AGBL4: variants seen among roughly 807,000 people sequenced by gnomAD.
AGBL4 encodes cytosolic carboxypeptidase 6.
Under a neutral mutation model 66.4 loss-of-function variants are expected in AGBL4, and 58 were observed. The ratio of observed to expected loss-of-function variants is 0.87; its 90% CI spans 0.71 to 1.09. The LOEUF (loss-of-function observed/expected upper bound fraction) is 1.09, where lower values mean the gene tolerates loss of function less well. Among genes scored for constraint, AGBL4 ranks in the 50% least tolerant of loss-of-function variants. The pLI, the probability that AGBL4 is intolerant of heterozygous loss-of-function variation, is 0.00. For missense variants in AGBL4, 579 were observed against 631.0 expected, an observed-to-expected ratio of 0.92 and a Z score of 0.88; for synonymous variants, 234 against 222.9, an observed-to-expected ratio of 1.05 and a Z score of -0.44.
At chr1:48,901,412 A>G (rs1218585938) in intron 5 of AGBL4, among the ~76,000 whole-genome samples, 1 of 152,208 alleles carries the variant, frequency 6.6e-6, no homozygotes, top group Non-Finnish European at 1.5e-5. Context: ...AAAAAGTTGT[A>G]TATGGGTGTT....
chr1:49,352,849 G>C (rs1453141255), intron 3 of AGBL4, among the ~76,000 whole-genome samples: 2 of 152,188 alleles, frequency 1.3e-5, no homozygotes, highest in Non-Finnish European at 2.9e-5. Context: ...GCTAAGAAAA[G>C]TTAACAAAAT....
chr1:48,946,784 G>T (rs1656548320), intron 5 of AGBL4, among the ~76,000 whole-genome samples: 1 of 152,194 alleles, frequency 6.6e-6, no homozygotes, highest in African/African-American at 2.4e-5. Context: ...GTAGAGGGAA[G>T]CACAGAGCTG....
At chr1:48,682,180 T>G (rs1646465731) in intron 6 of AGBL4, among the ~76,000 whole-genome samples, 2 of 152,186 alleles carry the variant, frequency 1.3e-5, no homozygotes, top group African/African-American at 4.8e-5. Flanking sequence ...AATACCTTCA[T>G]CTCAGATTTC....
chr1:49,029,274 T>C (rs1571268428), intron 5 of AGBL4, among the ~76,000 whole-genome samples: 1 of 152,140 alleles, frequency 6.6e-6, no homozygotes, highest in East Asian at 1.9e-4. Context: ...AGTAAAAATA[T>C]ATCTACTTGC....
At chr1:49,553,324 T>C (rs1409867369) in intron 3 of AGBL4, among the ~76,000 whole-genome samples, 4 of 152,208 alleles carry the variant, frequency 2.6e-5, no homozygotes, top group Non-Finnish European at 4.4e-5. Context: ...TCATATCCTA[T>C]GTCATAGTGA....
At chr1:49,818,273 G>C (rs1056183781) in intron 2 of AGBL4, among the ~76,000 whole-genome samples, 1 of 152,026 alleles carries the variant, frequency 6.6e-6, no homozygotes, top group Non-Finnish European at 1.5e-5. Flanking sequence ...CTGAGTCTGA[G>C]TCTCTCCTTT....
At chr1:49,880,978 T>C (rs1161593647) in intron 1 of AGBL4, among the ~76,000 whole-genome samples, 1 of 152,138 alleles carries the variant, frequency 6.6e-6, no homozygotes, top group Non-Finnish European at 1.5e-5. Context: ...CCTGACCCCT[T>C]GTGCTTCCCA....
chr1:48,577,754 A>G (rs906686710), intron 11 of AGBL4, among the ~76,000 whole-genome samples: 5 of 152,108 alleles, frequency 3.3e-5, no homozygotes, highest in African/African-American at 7.2e-5. Context: ...AGGGATTGCA[A>G]ATCGGTCAAA....
chr1:48,724,968 G>A (rs1260761493), intron 6 of AGBL4, among the ~76,000 whole-genome samples: 3 of 152,152 alleles, frequency 2.0e-5, no homozygotes, highest in Admixed American at 6.5e-5. Flanking sequence ...AGAATCCAAA[G>A]ACTCTAAGTG....
intron 5 of AGBL4, among the ~76,000 whole-genome samples, chr1:48,895,721 A>G (rs1651440509): frequency 6.6e-6 from 1 of 152,182 alleles, no homozygotes; most frequent in African/African-American, 2.4e-5. Flanking sequence ...AGACCCTGAA[A>G]GAGACTCGAG....
intron 3 of AGBL4, among the ~76,000 whole-genome samples, chr1:49,417,389 G>C (rs766975606): frequency 1.3e-5 from 2 of 152,108 alleles, no homozygotes; most frequent in Non-Finnish European, 2.9e-5. Flanking sequence ...CTTTTGCTGT[G>C]CCAGAAATTT....
At chr1:48,855,671 C>A (rs1205107607) in intron 6 of AGBL4, among the ~76,000 whole-genome samples, 1 of 152,006 alleles carries the variant, frequency 6.6e-6, no homozygotes, top group Non-Finnish European at 1.5e-5. Flanking sequence ...AAGTAAAAAG[C>A]TTTTTGCACA....
At chr1:49,766,365 A>C (rs969482863) in intron 2 of AGBL4, among the ~76,000 whole-genome samples, 35 of 152,266 alleles carry the variant, frequency 2.3e-4, no homozygotes, top group African/African-American at 8.2e-4. Flanking sequence ...GAGAAATAAA[A>C]ATTTTTATAG....
In AGBL4 at chr1:49,311,981, C is replaced by T. The variant is rs143654737; in HGVS notation, c.283-66117G>A. Among the ~76,000 whole-genome samples, 979 of 151,878 alleles carry T rather than the reference C, an allele frequency of 6.4e-3. 6 individuals are homozygous for T. Among genetic ancestry groups the T allele is most frequent in the Middle Eastern group, 0.031 (9 of 294 alleles). ...CAATAGAAATGTATTGAAATAAGTC[C>T]CATATACAAGATTATGGATTTGAAA... On this transcript the variant is annotated intron_variant, in intron 3 of 13. Transcript: ENST00000371839.
chr1:48,847,593 C>T (rs932917754), intron 6 of AGBL4, among the ~76,000 whole-genome samples: 4 of 152,146 alleles, frequency 2.6e-5, no homozygotes, highest in Non-Finnish European at 4.4e-5. Context: ...TAGTACCTAG[C>T]AGAGTAAAGT....
chr1:49,726,816 G>A (rs1031918507), intron 2 of AGBL4, among the ~76,000 whole-genome samples: 2 of 152,100 alleles, frequency 1.3e-5, no homozygotes, highest in African/African-American at 4.8e-5. Flanking sequence ...CTCTCCCACT[G>A]TAGAAAAGCT....
At chr1:48,555,841 A>G (rs1644313716) in intron 11 of AGBL4, among the ~76,000 whole-genome samples, 1 of 152,114 alleles carries the variant, frequency 6.6e-6, no homozygotes, top group African/African-American at 2.4e-5. Flanking sequence ...AGTAAGAAAG[A>G]TGATACTTGG....
At chr1:48,908,069 A>G (rs753060099) in intron 5 of AGBL4, among the ~76,000 whole-genome samples, 6 of 152,128 alleles carry the variant, frequency 3.9e-5, no homozygotes, top group Non-Finnish European at 8.8e-5. Flanking sequence ...TGCTTCCTCC[A>G]AAGTTTTTGC....
rs1318718360 is a variant in AGBL4, at chr1:49,785,913, T to A, written c.157+65483A>T. Among the ~76,000 whole-genome samples, 3 of 148,932 alleles carry A rather than the reference T, an allele frequency of 2.0e-5. No individual in the cohort carries two copies. The East Asian group carries it at 5.9e-4, about 29-fold the overall frequency. On this transcript the variant is annotated intron_variant, in intron 2 of 13. Transcript: ENST00000371839. Reference sequence around the variant, plus strand: ...AAAAAAATATATATATATATATATATATATTTCCTGAGGCTAGACCCACCT... The same window carrying A: ...AAAAAAATATATATATATATATATAAATATTTCCTGAGGCTAGACCCACCT...
Sources: gnomAD v4.1 joint callset for allele counts (sites outside exome capture counted in the v4.1 genomes callset) on GRCh38, gnomAD v4.1.1 for gene constraint, MANE v1.5 for transcripts, NCBI Gene and HGNC (gene_info 2026-07-23, HGNC 2026-07-21) for gene names.